Variants in KIFAP3 observed in about 807,000 individuals in gnomAD.
The protein encoded by KIFAP3 is kinesin associated protein 3.
Under a neutral mutation model 106.5 loss-of-function variants are expected in KIFAP3, and 68 were observed. The observed-to-expected ratio is 0.64, with a 90% CI of 0.53 to 0.78. The LOEUF is 0.78. Ranked by LOEUF, KIFAP3 falls within the 30% of genes least tolerant of loss-of-function variation. The pLI is 0.00. For synonymous variants in KIFAP3, 320 were observed against 311.5 expected (o/e 1.03, Z -0.29); for missense variants, 780 against 941.8 (o/e 0.83, Z 2.25).
In KIFAP3 at chr1:169,977,260, G is replaced by A. The variant is rs182978343; in HGVS notation, c.1897+825C>T. ...CTTAAGAGGCTGTGTAGATGACAAT[G>A]TTGTTATTCACAATGAATACAGATG... On this transcript the variant is annotated intron_variant, in intron 16 of 19. Coordinates refer to ENST00000361580, the MANE Select transcript of KIFAP3 (RefSeq NM_014970.4). Among the ~76,000 whole-genome samples, 19 of 152,262 alleles carry A rather than the reference G, an allele frequency of 1.2e-4. No individual in the cohort carries two copies. The East Asian group carries it at 3.5e-3, about 28-fold the overall frequency.
At chr1:170,038,183 G>A (rs941403234) in intron 5 of KIFAP3, 107 bp downstream of exon 5, 205 of 852,752 alleles carry the variant, frequency 2.4e-4, no homozygotes, top group Non-Finnish European at 5.4e-5. Context: ...TAAGAAATCT[G>A]AGTAAGAAAG....
At chr1:170,018,195 C>A (rs1160935278) in intron 9 of KIFAP3, among the ~76,000 whole-genome samples, 2 of 152,090 alleles carry the variant, frequency 1.3e-5, no homozygotes, top group Non-Finnish European at 2.9e-5. Flanking sequence ...GGAACAAAGC[C>A]ATGCTCATTT....
At chr1:169,956,290 TA>T (rs2101849990) in intron 18 of KIFAP3, among the ~76,000 whole-genome samples, 1 of 152,262 alleles carries the variant, frequency 6.6e-6, no homozygotes, top group African/African-American at 2.4e-5. Flanking sequence ...GTGAATTATG[TA>T]AAAAAGTTTA....
chr1:170,038,232 G>A, intron 5 of KIFAP3, 58 bp downstream of exon 5: 1 of 1,322,502 alleles, frequency 7.6e-7, no homozygotes, highest in Non-Finnish European at 1.0e-6. Flanking sequence ...CTTAAGTTTT[G>A]TATAAATAAC....
intron 1 of KIFAP3, among the ~76,000 whole-genome samples, chr1:170,069,690 A>G (rs1382719484): frequency 1.3e-5 from 2 of 152,184 alleles, no homozygotes; most frequent in Admixed American, 6.5e-5. Flanking sequence ...CATATATGAA[A>G]AATCTACAGC....
chr1:170,074,829 T>A (rs1339538032), upstream of KIFAP3: 4 of 1,036,654 alleles, frequency 3.9e-6, no homozygotes, highest in Non-Finnish European at 4.9e-6. Flanking sequence ...TGAGCGTCCG[T>A]GTATAAGGAG....
At chr1:170,082,830 A>T (rs943428837) in intron 1 of KIFAP3, among the ~76,000 whole-genome samples, 4 of 151,986 alleles carry the variant, frequency 2.6e-5, no homozygotes, top group African/African-American at 9.7e-5. Flanking sequence ...AAAATTAGCC[A>T]GGTGTGGTGG....
At chr1:170,065,088 A>G (rs974056674) in intron 1 of KIFAP3, among the ~76,000 whole-genome samples, 1 of 152,152 alleles carries the variant, frequency 6.6e-6, no homozygotes, top group Non-Finnish European at 1.5e-5. Flanking sequence ...ATTTGACTTT[A>G]AAACTGTCTG....
intron 18 of KIFAP3, among the ~76,000 whole-genome samples, chr1:169,959,302 C>T (rs1462553072): frequency 6.6e-6 from 1 of 151,966 alleles, no homozygotes; most frequent in African/African-American, 2.4e-5. Flanking sequence ...TTCATTTAGT[C>T]CATGGACTAT....
intron 10 of KIFAP3, among the ~76,000 whole-genome samples, chr1:170,014,097 C>T (rs1668387666): frequency 6.6e-6 from 1 of 152,006 alleles, no homozygotes; most frequent in South Asian, 2.1e-4. Flanking sequence ...ACGAGGTTTT[C>T]TTTACTTCTT....
chr1:170,035,425 C>T (rs748980170), intron 6 of KIFAP3, 29 bp downstream of exon 6: 60 of 1,369,638 alleles, frequency 4.4e-5, no homozygotes, highest in Non-Finnish European at 4.7e-5. Flanking sequence ...GATACAGTAG[C>T]CTTTTTATTT....
intron 16 of KIFAP3, among the ~76,000 whole-genome samples, chr1:169,974,732 T>C (rs1666132048): frequency 6.6e-6 from 1 of 151,928 alleles, no homozygotes; most frequent in South Asian, 2.1e-4. Flanking sequence ...AGGTACTCAA[T>C]AAATTTTTAT....
intron 11 of KIFAP3, among the ~76,000 whole-genome samples, chr1:169,990,815 C>T (rs908227076): frequency 2.6e-5 from 4 of 152,016 alleles, no homozygotes; most frequent in Non-Finnish European, 4.4e-5. Flanking sequence ...TATCTAGCCA[C>T]TGAATCATAG....
chr1:169,935,093 ATACT>A (rs898510398), intron 19 of KIFAP3, among the ~76,000 whole-genome samples: 6 of 152,244 alleles, frequency 3.9e-5, no homozygotes, highest in Admixed American at 2.0e-4. Flanking sequence ...CTTTTTAAAA[ATACT>A]TATTAATGCA....
intron 10 of KIFAP3, among the ~76,000 whole-genome samples, chr1:170,002,440 TG>T (rs1667711709): frequency 6.6e-6 from 1 of 152,188 alleles, no homozygotes; most frequent in African/African-American, 2.4e-5. Flanking sequence ...CACATAAAAT[TG>T]TGAAACAGGC....
intron 19 of KIFAP3, among the ~76,000 whole-genome samples, chr1:169,951,308 T>C (rs562297985): frequency 6.6e-6 from 1 of 152,066 alleles, no homozygotes; most frequent in Admixed American, 6.5e-5. Flanking sequence ...CAGGGAAAGT[T>C]CTTTCTAAAG....
intron 10 of KIFAP3, among the ~76,000 whole-genome samples, chr1:170,003,569 G>C (rs1277187314): frequency 6.7e-6 from 1 of 149,322 alleles, no homozygotes; most frequent in African/African-American, 2.5e-5. Flanking sequence ...TGTCAGACAG[G>C]GACATCTAAG....
chr1:170,083,853 C>T (rs532443171), intron 1 of KIFAP3, among the ~76,000 whole-genome samples: 6 of 152,002 alleles, frequency 3.9e-5, no homozygotes, highest in Admixed American at 1.3e-4. Context: ...TGCAAGGATA[C>T]GAAGAGTTGA....
intron 19 of KIFAP3, among the ~76,000 whole-genome samples, chr1:169,953,249 CCTGA>C (rs1302809486): frequency 6.6e-6 from 1 of 151,922 alleles, no homozygotes; most frequent in African/African-American, 2.4e-5. Flanking sequence ...ACAATACTGG[CCTGA>C]CTTTTTTTTT....
Sources: allele counts gnomAD v4.1 joint callset (sites outside exome capture counted in the v4.1 genomes callset), GRCh38; gene constraint gnomAD v4.1.1; transcripts MANE v1.5; gene names NCBI Gene and HGNC (gene_info 2026-07-23, HGNC 2026-07-21).